Variants in NBAS observed in about 807,000 individuals in gnomAD.
NBAS encodes NBAS subunit of NRZ tethering complex, also known as NAG/BC035112 fusion.
NBAS carries 219 observed loss-of-function variants against 302.5 expected under a neutral mutation model. The observed-to-expected ratio is 0.72, with a 90% CI of 0.65 to 0.81. The LOEUF (loss-of-function observed/expected upper bound fraction) is 0.81. Ranked by LOEUF, NBAS falls within the 30% of genes least tolerant of loss-of-function variation. The pLI, the probability that NBAS is intolerant of heterozygous loss-of-function variation, is 0.00. For missense variants in NBAS, 2,932 were observed against 2,841.6 expected (o/e 1.03, Z -0.72); for synonymous variants, 1,118 against 1,021.6 (o/e 1.09, Z -1.80).
chr2:15,211,352 G>GTT (rs1666401736), intron 48 of NBAS, among the ~76,000 whole-genome samples: 1 of 152,176 alleles, frequency 6.6e-6, no homozygotes, highest in South Asian at 2.1e-4. Context: ...ACAACGAACA[G>GTT]TATTTGAATT....
In NBAS at chr2:15,277,057, A is replaced by T; in HGVS notation, c.5183T>A (p.Leu1728His). Residue 1728 changes from leucine to histidine, a missense_variant, in exon 43 of 52, where the codon CTC (leucine) becomes CAC (histidine). By Grantham distance (99) the Leu-to-His change is moderately conservative. Transcript: ENST00000281513. The part of the protein sequence containing the change: ...EIENRAQDLH[L>H]FETLKTDPEA... The stretch of plus-strand genomic sequence containing the variant: ...TGGATCAGTCTTCAAAGTCTCAAAG[A>T]GATGAAGGTCTTGGGCTCTATTTTC... The T allele has an allele frequency of 6.2e-7, 1 of 1,613,772 alleles. No homozygotes were observed. Among genetic ancestry groups the T allele is most frequent in the Non-Finnish European group, 8.5e-7 (1 of 1,179,880 alleles).
intron 44 of NBAS, among the ~76,000 whole-genome samples, chr2:15,241,494 A>G (rs543888387): frequency 7.9e-5 from 12 of 152,328 alleles, no homozygotes; most frequent in African/African-American, 2.9e-4. Flanking sequence ...CAGGAAGAAC[A>G]ATACATTCAG....
intron 11 of NBAS, among the ~76,000 whole-genome samples, chr2:15,489,989 C>A (rs888722110): frequency 6.6e-6 from 1 of 152,150 alleles, no homozygotes; most frequent in African/African-American, 2.4e-5. Context: ...AAAACACAGC[C>A]CACATCCCCA....
intron 11 of NBAS, among the ~76,000 whole-genome samples, chr2:15,495,505 T>C (rs1681032718): frequency 1.3e-5 from 2 of 152,018 alleles, no homozygotes; most frequent in Non-Finnish European, 2.9e-5. Context: ...GACCAGCAGA[T>C]AGAGAAAAAG....
At chr2:15,058,636 G>A in the NBAS span, among the ~76,000 whole-genome samples, 4 of 152,246 alleles carry the variant, frequency 2.6e-5, no homozygotes, top group African/African-American at 9.6e-5. Flanking sequence ...TGTACTCAGT[G>A]GGGGAAAGAT....
At chr2:15,532,765 C>A (rs983901507) in intron 9 of NBAS, among the ~76,000 whole-genome samples, 36 of 151,776 alleles carry the variant, frequency 2.4e-4, no homozygotes, top group Non-Finnish European at 3.8e-4. Context: ...GTGGAGGAGT[C>A]AGTTTTTAAA....
At chr2:15,082,627 A>G in the NBAS span, among the ~76,000 whole-genome samples, 1 of 152,180 alleles carries the variant, frequency 6.6e-6, no homozygotes, top group Non-Finnish European at 1.5e-5. Flanking sequence ...ACAGCCCTAC[A>G]GAATCATTCC....
chr2:14,933,078 A>T, the NBAS span, among the ~76,000 whole-genome samples: 1 of 152,002 alleles, frequency 6.6e-6, no homozygotes, highest in Non-Finnish European at 1.5e-5. Context: ...GTTTTTGGAG[A>T]CTTTCTAGTA....
At chr2:15,156,643 T>C in the NBAS span, among the ~76,000 whole-genome samples, 1 of 152,022 alleles carries the variant, frequency 6.6e-6, no homozygotes, top group African/African-American at 2.4e-5. Context: ...CCTAACAACG[T>C]CCCAAAGGCC....
intron 44 of NBAS, among the ~76,000 whole-genome samples, chr2:15,270,476 T>C (rs565960071): frequency 1.4e-4 from 21 of 152,330 alleles, no homozygotes; most frequent in African/African-American, 5.1e-4. Flanking sequence ...CTTTAACTTC[T>C]AATATGATAA....
In NBAS at chr2:15,355,979, A is replaced by C. The variant is rs555144808; in HGVS notation, c.3931+324T>G. Among the ~76,000 whole-genome samples the C allele has an allele frequency of 5.3e-5, 8 of 152,346 alleles. No individual in the cohort carries two copies. In the South Asian group the frequency reaches 1.4e-3, roughly 28 times the overall value. The stretch of plus-strand genomic sequence containing the variant: ...TATATAGACACAAACTAATATAAAA[A>C]TTTAAATTTTCTCTTAGATAACAAA... On this transcript the variant is annotated intron_variant, in intron 33 of 51. Coordinates refer to ENST00000281513, the MANE Select transcript of NBAS (RefSeq NM_015909.4).
the NBAS span, among the ~76,000 whole-genome samples, chr2:15,097,548 G>A: frequency 6.6e-6 from 1 of 152,088 alleles, no homozygotes; most frequent in Non-Finnish European, 1.5e-5. Flanking sequence ...TGAGATCAGG[G>A]AGCCAGCATG....
At chr2:15,497,850 G>A (rs899329599) in intron 11 of NBAS, among the ~76,000 whole-genome samples, 3 of 152,236 alleles carry the variant, frequency 2.0e-5, no homozygotes, top group South Asian at 4.1e-4. Flanking sequence ...AGTAGGTATT[G>A]AAATTACTTT....
At chr2:14,832,796 GT>G in the NBAS span, among the ~76,000 whole-genome samples, 1 of 152,174 alleles carries the variant, frequency 6.6e-6, no homozygotes, top group East Asian at 1.9e-4. Flanking sequence ...TGACTTTGTT[GT>G]TTGGAGCTGT....
At chr2:14,862,844 G>C in the NBAS span, among the ~76,000 whole-genome samples, 6 of 152,170 alleles carry the variant, frequency 3.9e-5, no homozygotes, top group African/African-American at 1.4e-4. Flanking sequence ...TGGTCGGGCA[G>C]CCTCCCACAG....
the NBAS span, among the ~76,000 whole-genome samples, chr2:15,032,787 G>A: frequency 4.6e-5 from 7 of 152,202 alleles, no homozygotes; most frequent in Admixed American, 2.6e-4. Flanking sequence ...TGAAAGGAAG[G>A]ATCTGAGAAG....
the NBAS span, among the ~76,000 whole-genome samples, chr2:15,100,231 A>G: frequency 6.6e-6 from 1 of 152,196 alleles, no homozygotes; most frequent in Non-Finnish European, 1.5e-5. Flanking sequence ...CATGAAAGAA[A>G]AGTTTTATTG....
intron 21 of NBAS, among the ~76,000 whole-genome samples, chr2:15,433,754 A>C (rs542974789): frequency 1.3e-5 from 2 of 152,276 alleles, no homozygotes; most frequent in African/African-American, 4.8e-5. Flanking sequence ...TAGTTTGTTA[A>C]ATCATTAAAG....
At chr2:15,404,537 G>A (rs993461826) in intron 25 of NBAS, among the ~76,000 whole-genome samples, 1 of 149,550 alleles carries the variant, frequency 6.7e-6, no homozygotes, top group African/African-American at 2.5e-5. Context: ...TTTTGAGACA[G>A]AGTCTCGCTG....
Sources: gnomAD v4.1 joint callset for allele counts (sites outside exome capture counted in the v4.1 genomes callset) on GRCh38, gnomAD v4.1.1 for gene constraint, MANE v1.5 for transcripts, NCBI Gene and HGNC (gene_info 2026-07-23, HGNC 2026-07-21) for gene names.